MITF: variants seen among roughly 807,000 people sequenced by gnomAD.
MITF encodes microphthalmia-associated transcription factor.
MITF carries 17 observed loss-of-function variants against 60.5 expected under a neutral mutation model. That is an observed-to-expected ratio of 0.28 (90% CI 0.19 to 0.42). MITF has a LOEUF of 0.42. MITF is among the 10% of genes least tolerant of loss of function. The pLI is 1.00. For synonymous variants in MITF, 260 were observed against 248.5 expected (o/e 1.05, Z -0.43); for missense variants, 622 against 683.5 (o/e 0.91, Z 1.00).
chr3:69,835,246 G>T (rs2107117322), intron 1 of MITF, among the ~76,000 whole-genome samples: 1 of 152,094 alleles, frequency 6.6e-6, no homozygotes, highest in South Asian at 2.1e-4. Flanking sequence ...TCAAACACCT[G>T]GGCTTAAGCA....
intron 2 of MITF, among the ~76,000 whole-genome samples, chr3:69,898,833 G>A (rs1449798476): frequency 1.3e-5 from 2 of 152,152 alleles, no homozygotes; most frequent in Non-Finnish European, 2.9e-5. Context: ...TTGAATGAAT[G>A]GGAAGAGGAA....
At chr3:69,810,526 CA>C (rs1331202570) in intron 1 of MITF, among the ~76,000 whole-genome samples, 2 of 152,168 alleles carry the variant, frequency 1.3e-5, no homozygotes, top group Non-Finnish European at 2.9e-5. Context: ...ACTTTTTTAA[CA>C]TACTAGTTTT....
chr3:69,766,807 C>G (rs2062304043), intron 1 of MITF, among the ~76,000 whole-genome samples: 1 of 152,124 alleles, frequency 6.6e-6, no homozygotes, highest in East Asian at 1.9e-4. Flanking sequence ...CCTGTGAACC[C>G]AGGAGGAGCC....
Position 69,739,634 on chromosome 3 carries a change from G to T in MITF, c.37G>T (p.Val13Phe). 1 of 1,583,786 alleles carries T rather than the reference G, an allele frequency of 6.3e-7. No individual in the cohort carries two copies. ...ATCGGGGATCGTGCCGGATTTCGAA[G>T]TCGGGGAGGAGTTTCATGAAGAGCC... ...SESGIVPDFE[V>F]GEEFHEEPKT... is the part of the protein sequence containing the mutation. Residue 13 changes from valine to phenylalanine, a missense_variant, in exon 1 of 10, where the codon GTC becomes TTC. This residue lies in a region of MITF where 149 missense variants were observed against 157.8 expected (regional missense o/e 0.94). Coordinates refer to ENST00000352241, the MANE Select transcript of MITF (RefSeq NM_001354604.2).
chr3:69,956,065 C>A (rs1559748502), intron 7 of MITF, among the ~76,000 whole-genome samples: 1 of 152,160 alleles, frequency 6.6e-6, no homozygotes, highest in South Asian at 2.1e-4. Flanking sequence ...AACTTCCTGG[C>A]TCTTTGCAGA....
intron 1 of MITF, among the ~76,000 whole-genome samples, chr3:69,829,457 C>T (rs752089120): frequency 6.6e-6 from 1 of 152,102 alleles, no homozygotes; most frequent in Non-Finnish European, 1.5e-5. Flanking sequence ...TTAACTGTGA[C>T]TTTTGATCCA....
intron 1 of MITF, among the ~76,000 whole-genome samples, chr3:69,831,622 T>C (rs547136579): frequency 6.6e-6 from 1 of 152,334 alleles, no homozygotes; most frequent in South Asian, 2.1e-4. Flanking sequence ...AGGAGCTGCC[T>C]TGTAAATTTC....
At chr3:69,912,245 A>G (rs2065239965) in intron 2 of MITF, among the ~76,000 whole-genome samples, 1 of 152,234 alleles carries the variant, frequency 6.6e-6, no homozygotes, top group Admixed American at 6.5e-5. Context: ...ACTACACATC[A>G]AATTCTGGGT....
chr3:69,836,127 T>G (rs1255518173), intron 1 of MITF, among the ~76,000 whole-genome samples: 1 of 152,194 alleles, frequency 6.6e-6, no homozygotes, highest in African/African-American at 2.4e-5. Context: ...TTTCATTTAT[T>G]TGTGTCTTCT....
chr3:69,824,417 T>G (rs1441865219), intron 1 of MITF, among the ~76,000 whole-genome samples: 1 of 152,324 alleles, frequency 6.6e-6, no homozygotes, highest in East Asian at 1.9e-4. Flanking sequence ...ATGATGATTA[T>G]CAATTTATTG....
intron 1 of MITF, among the ~76,000 whole-genome samples, chr3:69,858,724 G>A (rs62253185): frequency 0.15 from 22,505 of 152,010 alleles, 1,743 homozygotes; most frequent in South Asian, 0.18. Context: ...ATTATTCACA[G>A]ATTTATCTAT....
chr3:69,805,320 C>T (rs1357799839), intron 1 of MITF, among the ~76,000 whole-genome samples: 5 of 151,980 alleles, frequency 3.3e-5, no homozygotes, highest in Non-Finnish European at 7.4e-5. Flanking sequence ...TTAATGGTAA[C>T]TTTGATGTTT....
intron 1 of MITF, among the ~76,000 whole-genome samples, chr3:69,864,313 G>A (rs2064071450): frequency 1.3e-5 from 2 of 152,202 alleles, no homozygotes; most frequent in South Asian, 2.1e-4. Flanking sequence ...GGAAAAGAGA[G>A]GTGGGATAGG....
chr3:69,753,777 C>G (rs1433845437), intron 1 of MITF, among the ~76,000 whole-genome samples: 1 of 152,172 alleles, frequency 6.6e-6, no homozygotes, highest in East Asian at 1.9e-4. Context: ...CCAATTTCTT[C>G]CTTTTTGAAC....
At chr3:69,740,642 T>G (rs945882385) in intron 1 of MITF, among the ~76,000 whole-genome samples, 3 of 152,204 alleles carry the variant, frequency 2.0e-5, no homozygotes, top group African/African-American at 7.2e-5. Flanking sequence ...CGCCTCGTAC[T>G]TCTCGTTTAC....
At chr3:69,821,572 T>G (rs1254080156) in intron 1 of MITF, among the ~76,000 whole-genome samples, 2 of 151,722 alleles carry the variant, frequency 1.3e-5, no homozygotes, top group African/African-American at 4.8e-5. Flanking sequence ...CTTGAATTAA[T>G]TTTTTCCTTC....
At chr3:69,808,197 A>G (rs998147262) in intron 1 of MITF, among the ~76,000 whole-genome samples, 1 of 151,028 alleles carries the variant, frequency 6.6e-6, no homozygotes, top group African/African-American at 2.4e-5. Flanking sequence ...TAATAAGTCA[A>G]TCAATTTTAA....
At chr3:69,818,321 T>C (rs2063213721) in intron 1 of MITF, among the ~76,000 whole-genome samples, 1 of 152,226 alleles carries the variant, frequency 6.6e-6, no homozygotes, top group Admixed American at 6.5e-5. Context: ...ATCCTTCTTC[T>C]GTTTCCTCTT....
chr3:69,947,653 C>T (rs1237949165), intron 5 of MITF, among the ~76,000 whole-genome samples: 1 of 152,110 alleles, frequency 6.6e-6, no homozygotes, highest in Non-Finnish European at 1.5e-5. Context: ...ATAAACGCTG[C>T]TTTCAAAAAG....
Sources: allele counts gnomAD v4.1 joint callset (sites outside exome capture counted in the v4.1 genomes callset), GRCh38; gene constraint gnomAD v4.1.1; regional missense constraint gnomAD v4.1.1; transcripts MANE v1.5; gene names NCBI Gene and HGNC (gene_info 2026-07-23, HGNC 2026-07-21).